Variants in KCTD2 observed in about 807,000 individuals in gnomAD.
KCTD2 encodes BTB/POZ domain-containing protein KCTD2.
Under a neutral mutation model 27.9 loss-of-function variants are expected in KCTD2, and 18 were observed. That is an observed-to-expected ratio of 0.64 (90% CI 0.45 to 0.96). The LOEUF (loss-of-function observed/expected upper bound fraction) is 0.96. Ranked by LOEUF, KCTD2 falls within the 40% of genes least tolerant of loss-of-function variation. The pLI is 0.00. For missense variants in KCTD2, 280 were observed against 348.0 expected (o/e 0.80, Z 1.56); for synonymous variants, 175 against 148.4 (o/e 1.18, Z -1.30).
intron 3 of KCTD2, among the ~76,000 whole-genome samples, chr17:75,037,475 C>G (rs1463715670): frequency 1.3e-5 from 2 of 152,120 alleles, no homozygotes; most frequent in Non-Finnish European, 2.9e-5. Flanking sequence ...TAGAAACTTC[C>G]CAGGTTATCT....
chr17:75,048,984 C>G (rs2073258299), intron 1 of KCTD2: 1 of 364,114 alleles, frequency 2.7e-6, no homozygotes, highest in South Asian at 9.7e-5. Flanking sequence ...ATGAGTATGA[C>G]TGTCTGTAAC....
intron 4 of KCTD2, 60 bp downstream of exon 4, chr17:75,059,665 A>G (rs1020132901): frequency 3.0e-5 from 41 of 1,346,842 alleles, no homozygotes; most frequent in Non-Finnish European, 4.2e-5. Context: ...CAGCTCTTCA[A>G]ACAATCAGTG....
intron 3 of KCTD2, chr17:75,040,359 G>C: frequency 1.6e-6 from 1 of 617,950 alleles, no homozygotes; most frequent in Non-Finnish European, 2.9e-6. Context: ...ATTAGACTGG[G>C]AACAGGAGCT....
At chr17:75,057,143 A>G (rs2073358620) in intron 3 of KCTD2, among the ~76,000 whole-genome samples, 1 of 151,826 alleles carries the variant, frequency 6.6e-6, no homozygotes, top group African/African-American at 2.4e-5. Context: ...TAGTAGAGAC[A>G]GGGTATCCCC....
intron 3 of KCTD2, chr17:75,041,354 C>CA (rs539878084): frequency 0.19 from 9,560 of 50,454 alleles, 805 homozygotes; most frequent in East Asian, 0.6. Context: ...GACTCCAACT[C>CA]AAAAAAAAAA....
chr17:75,034,607 G>C (rs1289777042), intron 2 of KCTD2, among the ~76,000 whole-genome samples: 1 of 152,176 alleles, frequency 6.6e-6, no homozygotes, highest in African/African-American at 2.4e-5. Context: ...AGAAGCCATG[G>C]GGACGACAGG....
At chr17:75,060,583 G>A (rs1035044830) in intron 4 of KCTD2, 2 of 1,610,022 alleles carry the variant, frequency 1.2e-6, no homozygotes, top group Non-Finnish European at 1.7e-6. Context: ...AAGAGCAGCT[G>A]GCCGGCGCCG....
At chr17:75,033,982 G>GTGAAA (rs2040089474) in intron 1 of KCTD2, 1 of 152,264 alleles carries the variant, frequency 6.6e-6, no homozygotes, top group Admixed American at 6.5e-5. Context: ...TGGGGTAGAG[G>GTGAAA]TGAAAGTTCC....
intron 2 of KCTD2, among the ~76,000 whole-genome samples, chr17:75,050,988 T>TG (rs1429512126): frequency 6.6e-6 from 1 of 151,288 alleles, no homozygotes; most frequent in African/African-American, 2.4e-5. Flanking sequence ...TTTTTTTTTT[T>TG]TTTGAGACGG....
chr17:75,056,039 A>T (rs1026479565), intron 3 of KCTD2, among the ~76,000 whole-genome samples: 36 of 152,268 alleles, frequency 2.4e-4, no homozygotes, highest in African/African-American at 8.7e-4. Flanking sequence ...TCAAAAAAAA[A>T]AAGTTTTCTG....
At chr17:75,033,573 G>C (rs972458655) in intron 1 of KCTD2, among the ~76,000 whole-genome samples, 1 of 152,006 alleles carries the variant, frequency 6.6e-6, no homozygotes, top group East Asian at 1.9e-4. Context: ...TTTTTTATCA[G>C]TTCTGTAGAG....
intron 1 of KCTD2, chr17:75,034,013 C>A (rs1040278610): frequency 6.6e-5 from 10 of 152,302 alleles, no homozygotes; most frequent in Middle Eastern, 3.4e-3. Context: ...TTTTTTATTT[C>A]TTTTCTCTTC....
chr17:75,055,482 G>A (rs2073339993), intron 3 of KCTD2, among the ~76,000 whole-genome samples: 1 of 151,888 alleles, frequency 6.6e-6, no homozygotes, highest in African/African-American at 2.4e-5. Flanking sequence ...CTGGGAGGCT[G>A]AGGAGGGCAG....
At chr17:75,048,930 T>C (rs2073257396) in intron 1 of KCTD2, 1 of 257,406 alleles carries the variant, frequency 3.9e-6, no homozygotes, top group East Asian at 7.0e-5. Flanking sequence ...GTAATTATTG[T>C]CCAGGCAAAG....
At chr17:75,058,423 G>A (rs1437530809) in intron 3 of KCTD2, among the ~76,000 whole-genome samples, 1 of 152,102 alleles carries the variant, frequency 6.6e-6, no homozygotes, top group African/African-American at 2.4e-5. Flanking sequence ...AGAATCGCTT[G>A]AACCAGGGAG....
chr17:75,040,676 G>A (rs112940908), intron 3 of KCTD2: 2,530 of 154,366 alleles, frequency 0.016, 62 homozygotes, highest in African/African-American at 0.057. Flanking sequence ...ACCTAAGGTC[G>A]GGAGTTCGAG....
intron 4 of KCTD2, among the ~76,000 whole-genome samples, chr17:75,059,855 G>A (rs2073385902): frequency 6.6e-6 from 1 of 152,202 alleles, no homozygotes; most frequent in South Asian, 2.1e-4. Context: ...CCAACGAGCA[G>A]TTTAGGCTTG....
At chr17:75,055,832 TAA>T (rs1271178318) in intron 3 of KCTD2, among the ~76,000 whole-genome samples, 9 of 113,370 alleles carry the variant, frequency 7.9e-5, no homozygotes, top group South Asian at 2.7e-4. Context: ...AACTCCCATC[TAA>T]AAAAAAAAAA....
At chr17:75,034,399 A>G (rs147487860) in intron 2 of KCTD2, among the ~76,000 whole-genome samples, 7 of 152,262 alleles carry the variant, frequency 4.6e-5, no homozygotes, top group African/African-American at 1.4e-4. Flanking sequence ...TGCCGGCACC[A>G]AAAGAAACCT....
Sources: gnomAD v4.1 joint callset for allele counts (sites outside exome capture counted in the v4.1 genomes callset) on GRCh38, gnomAD v4.1.1 for gene constraint, MANE v1.5 for transcripts, NCBI Gene and HGNC (gene_info 2026-07-23, HGNC 2026-07-21) for gene names.